The following CTNND2 variants were observed in gnomAD, a reference collection of about 807,000 sequenced individuals.
The protein encoded by CTNND2 is catenin delta 2.
In CTNND2, 22 loss-of-function variants were observed where a neutral mutation model predicts 144.4. That is an observed-to-expected ratio of 0.15 (90% CI 0.11 to 0.22). CTNND2 has a LOEUF of 0.22. Among genes scored for constraint, CTNND2 ranks in the 10% least tolerant of loss-of-function variants. The probability of loss-of-function intolerance (pLI) is 1.00; values close to 1 mark genes in which losing one functional copy is unlikely to be tolerated. For missense variants in CTNND2, 1,353 were observed against 1,618.8 expected, an observed-to-expected ratio of 0.84 and a Z score of 2.82; for synonymous variants, 751 against 695.6, an observed-to-expected ratio of 1.08 and a Z score of -1.25.
At chr5:11,294,149 C>T (rs1453003859) in intron 9 of CTNND2, among the ~76,000 whole-genome samples, 3 of 146,276 alleles carry the variant, frequency 2.1e-5, no homozygotes, top group Admixed American at 6.9e-5. Context: ...GACATCAACT[C>T]GTACATATAG....
chr5:11,250,967 C>T (rs184945721), intron 9 of CTNND2, among the ~76,000 whole-genome samples: 2 of 152,080 alleles, frequency 1.3e-5, no homozygotes, highest in Admixed American at 1.3e-4. Flanking sequence ...TAATTAAGAA[C>T]GATGGTTTCT....
At chr5:11,690,742 CAAAAAAAAAAAAAAA>C (rs58799389) in intron 2 of CTNND2, among the ~76,000 whole-genome samples, 6 of 36,560 alleles carry the variant, frequency 1.6e-4, no homozygotes, top group East Asian at 1.6e-3. Flanking sequence ...GACTCCGTCT[CAAAAAAAAAAAAAAA>C]AAAAAAAAAA....
At chr5:11,292,785 C>T (rs2150017907) in intron 9 of CTNND2, among the ~76,000 whole-genome samples, 1 of 152,174 alleles carries the variant, frequency 6.6e-6, no homozygotes, top group African/African-American at 2.4e-5. Flanking sequence ...AGGGAGAATA[C>T]CATGTGAAGG....
At chr5:11,796,159 G>T (rs1168617517) in intron 1 of CTNND2, among the ~76,000 whole-genome samples, 1 of 152,164 alleles carries the variant, frequency 6.6e-6, no homozygotes, top group South Asian at 2.1e-4. Flanking sequence ...CCGAGAGGAT[G>T]AACTAGTTCC....
chr5:11,899,334 G>T (rs1737670880), intron 1 of CTNND2, among the ~76,000 whole-genome samples: 1 of 152,042 alleles, frequency 6.6e-6, no homozygotes, highest in Non-Finnish European at 1.5e-5. Flanking sequence ...TCTTAATCAG[G>T]TGACTAATAT....
intron 1 of CTNND2, among the ~76,000 whole-genome samples, chr5:11,896,036 T>C (rs1290031326): frequency 6.6e-6 from 1 of 152,056 alleles, no homozygotes; most frequent in African/African-American, 2.4e-5. Context: ...GGAAGACAAA[T>C]GAACAACATA....
At chr5:11,409,387 C>T (rs1475998976) in intron 5 of CTNND2, among the ~76,000 whole-genome samples, 1 of 151,970 alleles carries the variant, frequency 6.6e-6, no homozygotes, top group Non-Finnish European at 1.5e-5. Context: ...TACTATCATG[C>T]AATAAATAAA....
At chr5:11,036,806 T>C (rs765705494) in intron 16 of CTNND2, among the ~76,000 whole-genome samples, 1 of 152,224 alleles carries the variant, frequency 6.6e-6, no homozygotes, top group African/African-American at 2.4e-5. Flanking sequence ...AAAGGGATCC[T>C]AGAAATAATT....
At chr5:11,899,424 T>A (rs1210482370) in intron 1 of CTNND2, among the ~76,000 whole-genome samples, 1 of 152,232 alleles carries the variant, frequency 6.6e-6, no homozygotes, top group Non-Finnish European at 1.5e-5. Context: ...GGAGATATAA[T>A]TTACTTCTCC....
intron 2 of CTNND2, among the ~76,000 whole-genome samples, chr5:11,581,923 TA>T (rs1221407021): frequency 6.6e-6 from 1 of 152,250 alleles, no homozygotes; most frequent in African/African-American, 2.4e-5. Context: ...GTTTTTATTA[TA>T]TTTTTATATC....
chr5:11,497,019 A>G (rs1343328528), intron 3 of CTNND2, among the ~76,000 whole-genome samples: 1 of 152,100 alleles, frequency 6.6e-6, no homozygotes, highest in African/African-American at 2.4e-5. Flanking sequence ...ATTTGGTCAT[A>G]GTTAGGGAGT....
At chr5:11,671,431 G>A (rs1260771476) in intron 2 of CTNND2, among the ~76,000 whole-genome samples, 1 of 151,992 alleles carries the variant, frequency 6.6e-6, no homozygotes, top group Non-Finnish European at 1.5e-5. Flanking sequence ...TGTAGATTTG[G>A]TCTTTTCACA....
intron 10 of CTNND2, among the ~76,000 whole-genome samples, chr5:11,204,813 A>T: frequency 6.6e-6 from 1 of 152,192 alleles, no homozygotes; most frequent in Non-Finnish European, 1.5e-5. Flanking sequence ...ATCTGTCTTT[A>T]TTTAAAAAAA....
intron 3 of CTNND2, among the ~76,000 whole-genome samples, chr5:11,509,844 C>T (rs529419003): frequency 1.3e-5 from 2 of 152,292 alleles, no homozygotes; most frequent in South Asian, 4.1e-4. Context: ...CAGAGAGTTT[C>T]CCCTCCCCAC....
At chr5:11,834,058 G>A (rs1271912532) in intron 1 of CTNND2, among the ~76,000 whole-genome samples, 2 of 152,124 alleles carry the variant, frequency 1.3e-5, no homozygotes, top group Non-Finnish European at 1.5e-5. Context: ...TGAGACCTAG[G>A]GGAGGGAATG....
At chr5:11,885,632 C>T (rs1257022450) in intron 1 of CTNND2, among the ~76,000 whole-genome samples, 3 of 152,040 alleles carry the variant, frequency 2.0e-5, no homozygotes, top group Non-Finnish European at 2.9e-5. Context: ...GACAGAAATT[C>T]AACAAACAAA....
chr5:11,345,031 T>C (rs1341438080), intron 9 of CTNND2, among the ~76,000 whole-genome samples: 1 of 152,210 alleles, frequency 6.6e-6, no homozygotes, highest in African/African-American at 2.4e-5. Context: ...ATAAACAATG[T>C]CAAATCACAT....
chr5:11,362,355 A>G (rs1756548596), intron 8 of CTNND2, among the ~76,000 whole-genome samples: 1 of 152,244 alleles, frequency 6.6e-6, no homozygotes, highest in Non-Finnish European at 1.5e-5. Flanking sequence ...CACATATTAA[A>G]GGCATTTTCT....
At chr5:11,504,610 T>C (rs1027581807) in intron 3 of CTNND2, among the ~76,000 whole-genome samples, 22 of 152,132 alleles carry the variant, frequency 1.4e-4, no homozygotes, top group Admixed American at 7.2e-4. Flanking sequence ...AGGCCAGCGA[T>C]TGGGCATGGA....
Sources: allele counts gnomAD v4.1 joint callset (sites outside exome capture counted in the v4.1 genomes callset), GRCh38; gene constraint gnomAD v4.1.1; transcripts MANE v1.5; gene names NCBI Gene and HGNC (gene_info 2026-07-23, HGNC 2026-07-21).